CFAP141: variants seen among roughly 807,000 people sequenced by gnomAD.
CFAP141 encodes cilia and flagella associated protein 141.
the CFAP141 span, among the ~76,000 whole-genome samples, chr1:154,203,539 C>G: frequency 6.6e-6 from 1 of 150,628 alleles, no homozygotes; most frequent in African/African-American, 2.4e-5. Context: ...AGCAATCCTT[C>G]TACCTCAGCT....
chr1:154,202,984 G>A, the CFAP141 span, among the ~76,000 whole-genome samples: 1 of 149,004 alleles, frequency 6.7e-6, no homozygotes, highest in Non-Finnish European at 1.5e-5. Flanking sequence ...AGCCGAGCGT[G>A]GTGCCACACA....
chr1:154,203,940 A>G, the CFAP141 span, among the ~76,000 whole-genome samples: 1 of 152,030 alleles, frequency 6.6e-6, no homozygotes, highest in South Asian at 2.1e-4. Flanking sequence ...AAAATACAAA[A>G]ATTAGCCAGG....
chr1:154,199,826 G>C, the CFAP141 span, among the ~76,000 whole-genome samples: 1 of 152,078 alleles, frequency 6.6e-6, no homozygotes, highest in African/African-American at 2.4e-5. Context: ...GGGACCCCGG[G>C]AGAGAGAGAG....
the CFAP141 span, chr1:154,199,366 G>A: frequency 3.5e-5 from 41 of 1,155,244 alleles, no homozygotes; most frequent in African/African-American, 5.8e-4. Flanking sequence ...AGGTGGTAGA[G>A]GTTCTAGAAG....
chr1:154,201,224 G>A, the CFAP141 span, among the ~76,000 whole-genome samples: 3 of 151,492 alleles, frequency 2.0e-5, no homozygotes, highest in African/African-American at 7.3e-5. Context: ...TCCACTTCCC[G>A]GGTTCAAGTG....
At chr1:154,203,538 T>C in the CFAP141 span, among the ~76,000 whole-genome samples, 1 of 150,600 alleles carries the variant, frequency 6.6e-6, no homozygotes, top group African/African-American at 2.4e-5. Flanking sequence ...AAGCAATCCT[T>C]CTACCTCAGC....
chr1:154,204,091 C>A, the CFAP141 span, among the ~76,000 whole-genome samples: 1 of 151,482 alleles, frequency 6.6e-6, no homozygotes. Flanking sequence ...AACTCCATCT[C>A]AATAAATAAA....
At chr1:154,205,605 C>G in the CFAP141 span, 1 of 1,613,870 alleles carries the variant, frequency 6.2e-7, no homozygotes, top group Non-Finnish European at 8.5e-7. Context: ...TACCTGTCGA[C>G]CGTCTTCTTA....
the CFAP141 span, among the ~76,000 whole-genome samples, chr1:154,199,984 C>CT: frequency 6.6e-6 from 1 of 152,212 alleles, no homozygotes; most frequent in Non-Finnish European, 1.5e-5. Flanking sequence ...AAGTGATTCT[C>CT]GTGCCTCGGC....
the CFAP141 span, among the ~76,000 whole-genome samples, chr1:154,203,837 G>C: frequency 6.6e-6 from 1 of 152,178 alleles, no homozygotes; most frequent in Non-Finnish European, 1.5e-5. Flanking sequence ...CACTTTGGGA[G>C]GCCAAGGCAG....
At chr1:154,204,929 T>TGGAGTGCA in the CFAP141 span, among the ~76,000 whole-genome samples, 1 of 150,636 alleles carries the variant, frequency 6.6e-6, no homozygotes, top group Non-Finnish European at 1.5e-5. Flanking sequence ...GCTGGAGTGC[T>TGGAGTGCA]GGAGTGCAGT....
At chr1:154,199,824 G>A in the CFAP141 span, among the ~76,000 whole-genome samples, 3 of 152,212 alleles carry the variant, frequency 2.0e-5, no homozygotes, top group Middle Eastern at 3.4e-3. Context: ...TGGGGACCCC[G>A]GGAGAGAGAG....
chr1:154,201,668 A>T, the CFAP141 span, among the ~76,000 whole-genome samples: 1 of 151,542 alleles, frequency 6.6e-6, no homozygotes, highest in African/African-American at 2.4e-5. Context: ...GATTACAGGT[A>T]TGAGCCACCG....
At chr1:154,200,446 T>C in the CFAP141 span, 2 of 1,613,842 alleles carry the variant, frequency 1.2e-6, no homozygotes, top group African/African-American at 1.3e-5. Context: ...CAGGTTGCCC[T>C]GCTAGAACTC....
the CFAP141 span, chr1:154,206,273 A>G: frequency 1.2e-6 from 2 of 1,613,882 alleles, no homozygotes; most frequent in South Asian, 2.2e-5. Flanking sequence ...AACTCTGCAT[A>G]CCTCTTCTAC....
chr1:154,204,710 C>G, the CFAP141 span, among the ~76,000 whole-genome samples: 8 of 150,692 alleles, frequency 5.3e-5, no homozygotes, highest in African/African-American at 2.0e-4. Context: ...TACAGGCATG[C>G]ACCACCACAC....
chr1:154,199,712 A>G, the CFAP141 span, among the ~76,000 whole-genome samples: 2 of 152,118 alleles, frequency 1.3e-5, no homozygotes, highest in Non-Finnish European at 2.9e-5. Context: ...TTTTTTCTCC[A>G]CAGGCAAAGC....
the CFAP141 span, among the ~76,000 whole-genome samples, chr1:154,199,954 G>A: frequency 1.6e-4 from 24 of 152,134 alleles, no homozygotes; most frequent in Non-Finnish European, 2.1e-4. Flanking sequence ...TCAGCTCACT[G>A]CAACCTCTGC....
the CFAP141 span, among the ~76,000 whole-genome samples, chr1:154,205,033 T>C: frequency 2.0e-5 from 3 of 151,326 alleles, no homozygotes; most frequent in African/African-American, 4.9e-5. Flanking sequence ...AGGCGCACAC[T>C]ACCATGCCTG....
Sources: gnomAD v4.1 joint callset for allele counts (sites outside exome capture counted in the v4.1 genomes callset) on GRCh38, gnomAD v4.1.1 for gene constraint, MANE v1.5 for transcripts, NCBI Gene and HGNC (gene_info 2026-07-23, HGNC 2026-07-21) for gene names.